IPO11: variants seen among roughly 807,000 people sequenced by gnomAD.
IPO11 encodes the protein importin 11.
Under a neutral mutation model 143.2 loss-of-function variants are expected in IPO11, and 66 were observed. The observed-to-expected ratio is 0.46, with a 90% CI of 0.38 to 0.57. The LOEUF is 0.57. Among genes scored for constraint, IPO11 ranks in the 20% least tolerant of loss-of-function variants. The pLI is 0.00. For synonymous variants in IPO11, 385 were observed against 377.8 expected (o/e 1.02, Z -0.22); for missense variants, 1,026 against 1,141.0 (o/e 0.90, Z 1.45).
intron 19 of IPO11, among the ~76,000 whole-genome samples, chr5:62,507,719 CT>C (rs535239961): frequency 6.6e-6 from 1 of 152,016 alleles, no homozygotes; most frequent in African/African-American, 2.4e-5. Context: ...TTAGATAAAA[CT>C]TTTTTTTAAA....
intron 5 of IPO11, among the ~76,000 whole-genome samples, chr5:62,466,221 G>C (rs1034728322): frequency 3.9e-5 from 6 of 152,114 alleles, no homozygotes; most frequent in African/African-American, 1.4e-4. Flanking sequence ...GTTCTGTGTG[G>C]ATACATGCAA....
At chr5:62,474,551 G>T in intron 8 of IPO11, 87 bp downstream of exon 8, 1 of 904,496 alleles carries the variant, frequency 1.1e-6, no homozygotes, top group South Asian at 1.6e-5. Context: ...GATTAATGAG[G>T]GATTAATAGA....
chr5:62,437,453 A>G (rs1194138527), intron 2 of IPO11, 36 bp downstream of exon 2: 7 of 1,558,400 alleles, frequency 4.5e-6, no homozygotes, highest in Non-Finnish European at 6.1e-6. Flanking sequence ...TTTCTTTTTA[A>G]TAAAATGAGA....
chr5:62,484,881 CAT>C (rs1047673499), intron 11 of IPO11, among the ~76,000 whole-genome samples: 7 of 150,736 alleles, frequency 4.6e-5, no homozygotes, highest in African/African-American at 1.5e-4. Flanking sequence ...TACTGTACAA[CAT>C]GTCTTTTCTT....
chr5:62,440,395 C>T (rs1206722162), intron 2 of IPO11, among the ~76,000 whole-genome samples: 1 of 144,302 alleles, frequency 6.9e-6, no homozygotes, highest in Non-Finnish European at 1.5e-5. Flanking sequence ...CGCTGTGTTG[C>T]CCAGGCTGGA....
At chr5:62,513,602 G>A (rs1202566047) in intron 19 of IPO11, among the ~76,000 whole-genome samples, 1 of 142,754 alleles carries the variant, frequency 7.0e-6, no homozygotes, top group Non-Finnish European at 1.5e-5. Flanking sequence ...TCCTGGCTGG[G>A]CAGAGGGACT....
At chr5:62,435,090 A>ATGTGTATATG (rs796144428) in intron 1 of IPO11, among the ~76,000 whole-genome samples, 2 of 82,298 alleles carry the variant, frequency 2.4e-5, no homozygotes, top group South Asian at 3.0e-4. Flanking sequence ...ATGTGTATAT[A>ATGTGTATATG]TGTATATATG....
At chr5:62,428,545 T>C (rs1461176070) in intron 1 of IPO11, among the ~76,000 whole-genome samples, 1 of 152,116 alleles carries the variant, frequency 6.6e-6, no homozygotes, top group Admixed American at 6.5e-5. Flanking sequence ...AGTTTCACCA[T>C]GTTGGTCAGG....
rs181812800 is a variant in IPO11, at chr5:62,468,272, T to C, written c.649+1009T>C. 1.7e-4 allele frequency among the ~76,000 whole-genome samples: 26 copies of C among 152,294 alleles called. No individual in the cohort carries two copies. The East Asian group carries it at 4.1e-3, about 24-fold the overall frequency. On this transcript the variant is annotated intron_variant, in intron 6 of 29. Transcript: ENST00000325324. ...CATCAGTTTCTCTCTTACTCTCAGT[T>C]TGCATTCTTTTTAGTTTTACCTATA...
At chr5:62,466,426 C>T (rs1178087651) in intron 5 of IPO11, among the ~76,000 whole-genome samples, 1 of 151,924 alleles carries the variant, frequency 6.6e-6, no homozygotes, top group Non-Finnish European at 1.5e-5. Flanking sequence ...AAAAGCATTC[C>T]GAAGTATGCT....
Position 62,445,986 on chromosome 5 carries a change from G to A in IPO11, c.239+2903G>A, listed in dbSNP as rs116700007. On this transcript the variant is annotated intron_variant, in intron 3 of 29. Transcript: ENST00000325324. ...AATTACAAGTTTAAAGCAAAATATT[G>A]TAGGAGAACACATTATGTCAGGGGT... is the stretch of plus-strand genomic sequence containing the variant. 7.3e-3 allele frequency among the ~76,000 whole-genome samples: 1,104 copies of A among 152,242 alleles called. 14 individuals are homozygous for A. The highest frequency in any genetic ancestry group is 0.025 in the African/African-American group (1,039 of 41,554).
chr5:62,522,816 T>C (rs1009001739), intron 20 of IPO11, among the ~76,000 whole-genome samples: 1 of 152,250 alleles, frequency 6.6e-6, no homozygotes, highest in Admixed American at 6.5e-5. Flanking sequence ...GGTTTTATTC[T>C]GGTTCAGAGG....
intron 1 of IPO11, among the ~76,000 whole-genome samples, chr5:62,434,549 C>G (rs887510026): frequency 6.6e-6 from 1 of 152,118 alleles, no homozygotes; most frequent in Non-Finnish European, 1.5e-5. Context: ...ATCTGTCTGC[C>G]TCAGCCTCCC....
At chr5:62,550,219 A>G (rs566394572) in intron 24 of IPO11, 148 bp from the exon 25 acceptor site, 7 of 545,732 alleles carry the variant, frequency 1.3e-5, no homozygotes, top group East Asian at 1.2e-4. Context: ...AAGTGTGTCT[A>G]GTGTCAGAAT....
intron 29 of IPO11, among the ~76,000 whole-genome samples, chr5:62,614,768 G>A (rs1043946323): frequency 2.0e-5 from 3 of 152,168 alleles, no homozygotes; most frequent in Non-Finnish European, 4.4e-5. Flanking sequence ...CAGCTTAAGC[G>A]TTAACCAGCT....
intron 29 of IPO11, among the ~76,000 whole-genome samples, chr5:62,606,916 T>C (rs559363068): frequency 6.6e-6 from 1 of 152,382 alleles, no homozygotes; most frequent in South Asian, 2.1e-4. Context: ...TGCATTTTAT[T>C]TGATGAATTT....
intron 29 of IPO11, among the ~76,000 whole-genome samples, chr5:62,610,778 T>C (rs758412120): frequency 4.6e-5 from 7 of 152,180 alleles, no homozygotes; most frequent in Non-Finnish European, 1.0e-4. Flanking sequence ...TTTTCTTCTG[T>C]ATTCATTCCA....
At chr5:62,457,093 A>G (rs968675691) in intron 5 of IPO11, among the ~76,000 whole-genome samples, 7 of 151,874 alleles carry the variant, frequency 4.6e-5, no homozygotes, top group South Asian at 2.1e-4. Flanking sequence ...GGTGGGGGGG[A>G]AAATATCTGC....
chr5:62,539,074 A>G (rs961432555), intron 24 of IPO11, among the ~76,000 whole-genome samples: 1 of 152,216 alleles, frequency 6.6e-6, no homozygotes, highest in African/African-American at 2.4e-5. Flanking sequence ...GAAGGAGCTT[A>G]AGGAGATCAG....
Sources: gnomAD v4.1 joint callset for allele counts (sites outside exome capture counted in the v4.1 genomes callset) on GRCh38, gnomAD v4.1.1 for gene constraint, MANE v1.5 for transcripts, NCBI Gene and HGNC (gene_info 2026-07-23, HGNC 2026-07-21) for gene names.